Variants in ANKRD36B observed in about 807,000 individuals in gnomAD.
ANKRD36B encodes the protein ankyrin repeat domain 36B, also known as ankyrin repeat domain-containing protein 36B.
A neutral mutation model predicts 135.7 loss-of-function variants in ANKRD36B; 37 were observed. The observed-to-expected ratio is 0.27, with a 90% confidence interval of 0.21 to 0.36. The LOEUF is 0.36. Ranked by LOEUF, ANKRD36B falls within the 10% of genes least tolerant of loss-of-function variation. The pLI, the probability that ANKRD36B is intolerant of heterozygous loss-of-function variation, is 1.00. For missense variants in ANKRD36B, 549 were observed against 1,037.1 expected (o/e 0.53, Z 6.46); for synonymous variants, 179 against 348.1 (o/e 0.51, Z 5.41).
intron 6 of ANKRD36B, among the ~76,000 whole-genome samples, chr2:97,573,781 A>G (rs1307165440): frequency 6.6e-6 from 1 of 152,156 alleles, no homozygotes; most frequent in African/African-American, 2.4e-5. Flanking sequence ...AAAACAAGCA[A>G]TGGGGAAAGG....
At chr2:97,582,118 ATT>A (rs2082673299) in intron 3 of ANKRD36B, among the ~76,000 whole-genome samples, 2 of 151,852 alleles carry the variant, frequency 1.3e-5, no homozygotes, top group Admixed American at 1.3e-4. Flanking sequence ...AATTACTTGC[ATT>A]TTTAGGAGGC....
intron 28 of ANKRD36B, among the ~76,000 whole-genome samples, chr2:97,540,815 C>T (rs1227763929): frequency 1.0e-5 from 1 of 96,206 alleles, no homozygotes; most frequent in African/African-American, 3.1e-5. Flanking sequence ...CTCAAACCCA[C>T]GTGGTGTAAT....
Position 97,560,732 on chromosome 2 carries a change from T to C in ANKRD36B, c.798A>G (p.Thr266=). Residue 266 remains threonine (T), a synonymous_variant, in exon 8 of 44, where the codon ACA becomes ACG. Coordinates refer to ENST00000359901, the MANE Select transcript of ANKRD36B (RefSeq NM_001393939.1). ...TTGAAACAGAATCTTTGTCGTCACT[T>C]GTAGCCTGAATGGGATTTGAAACAA... ...SPQKQRAEKA[T]SDDKDSVSNI... is the part of the protein sequence containing the mutation. The C allele has an allele frequency of 6.2e-7, 1 of 1,601,964 alleles. No homozygotes were observed. The highest frequency in any genetic ancestry group is 1.3e-5 in the African/African-American group (1 of 74,826).
At chr2:97,573,681 C>CG (rs2082040550) in intron 6 of ANKRD36B, among the ~76,000 whole-genome samples, 1 of 152,050 alleles carries the variant, frequency 6.6e-6, no homozygotes, top group South Asian at 2.1e-4. Context: ...GTACTGGTAC[C>CG]GAAATGGAGA....
At chr2:97,549,749 C>A in intron 18 of ANKRD36B, 135 bp from the exon 19 acceptor site, 2 of 1,503,350 alleles carry the variant, frequency 1.3e-6, no homozygotes, top group South Asian at 1.2e-5. Flanking sequence ...TACTTTGTGT[C>A]TGCGGACTAG....
At chr2:97,560,638 G>T in intron 8 of ANKRD36B, 27 bp downstream of exon 8, 1 of 1,599,288 alleles carries the variant, frequency 6.3e-7, no homozygotes, top group Non-Finnish European at 8.5e-7. Context: ...GATTGAACAT[G>T]ACATTAGATG....
At chr2:97,525,943 T>G (rs371722957) in intron 35 of ANKRD36B, among the ~76,000 whole-genome samples, 1 of 98,158 alleles carries the variant, frequency 1.0e-5, no homozygotes, top group South Asian at 2.3e-4. Context: ...AAGGAGGCCT[T>G]CCTGCCTCTG....
At chr2:97,565,631 G>A (rs1411923966) in intron 6 of ANKRD36B, among the ~76,000 whole-genome samples, 2 of 152,118 alleles carry the variant, frequency 1.3e-5, no homozygotes, top group African/African-American at 2.4e-5. Flanking sequence ...TTAGAGAAAT[G>A]CAAATCAAAA....
Position 97,558,965 on chromosome 2 carries a change from C to A in ANKRD36B, c.894+1G>T, listed in dbSNP as rs1466028357. The A allele has an allele frequency of 6.2e-6, 10 of 1,603,634 alleles. No homozygotes were observed. In the East Asian group the frequency reaches 8.9e-5, roughly 14 times the overall value. Reference sequence around the variant, plus strand: ...CAACATATAAATGAGACTTTAATTACCTTCTCAGCTGGTTGTTTCTGAGAA... The same window carrying A: ...CAACATATAAATGAGACTTTAATTAACTTCTCAGCTGGTTGTTTCTGAGAA... On this transcript the variant is annotated splice_donor_variant, in intron 9 of 43. Transcript: ENST00000359901. LOFTEE classifies it high-confidence loss of function.
At chr2:97,556,438 A>AT (rs2080527600) in intron 12 of ANKRD36B, among the ~76,000 whole-genome samples, 2 of 151,940 alleles carry the variant, frequency 1.3e-5, no homozygotes, top group South Asian at 4.1e-4. Flanking sequence ...AATTACAGAA[A>AT]TAACTTCTTC....
chr2:97,535,593 A>AAC (rs2078843649), intron 34 of ANKRD36B, among the ~76,000 whole-genome samples: 4 of 110,242 alleles, frequency 3.6e-5, no homozygotes, highest in Admixed American at 1.7e-4. Context: ...GTTAAAACAA[A>AAC]ATATGTTACA....
chr2:97,582,633 G>A lies in ANKRD36B; in HGVS notation c.451-2065C>T, dbSNP rs2922618. Among the ~76,000 whole-genome samples, 215 of 152,232 alleles carry A rather than the reference G, an allele frequency of 1.4e-3. 1 individual carries two copies. The highest frequency in any genetic ancestry group is 2.2e-3 in the Non-Finnish European group (147 of 68,010). ...TTCCATGTTGAGACAATTTGTAGACGCAAACTAAACACATGTATGGGACAC... is the reference window on the plus strand; with the variant it reads ...TTCCATGTTGAGACAATTTGTAGACACAAACTAAACACATGTATGGGACAC... On this transcript the variant is annotated intron_variant, in intron 3 of 43. Coordinates refer to ENST00000359901, the MANE Select transcript of ANKRD36B (RefSeq NM_001393939.1).
chr2:97,586,647 C>T (rs1476820240), intron 1 of ANKRD36B, among the ~76,000 whole-genome samples: 1 of 152,108 alleles, frequency 6.6e-6, no homozygotes, highest in African/African-American at 2.4e-5. Context: ...TAAATTAAAG[C>T]AGTGCTTTTG....
Position 97,533,394 on chromosome 2 carries a change from A to G in ANKRD36B, c.2192-1010T>C, listed in dbSNP as rs1170650270. ...TGATCCTTATAAAGAATAGCAAATC[A>G]TGATCCTAAGACAGTAAGTGTCAAA... On this transcript the variant is annotated intron_variant, in intron 34 of 43. Coordinates refer to ENST00000359901, the MANE Select transcript of ANKRD36B (RefSeq NM_001393939.1). Among the ~76,000 whole-genome samples, 2 of 97,304 alleles carry G rather than the reference A, an allele frequency of 2.1e-5. 1 individual carries two copies. Among genetic ancestry groups the G allele is most frequent in the African/African-American group, 6.2e-5 (2 of 32,430 alleles). 63.8% of individuals were successfully genotyped at this position (97,304 alleles called of 152,430 possible). A position where few individuals can be genotyped will look rare whatever the true frequency, so the allele number is the denominator to read the frequency against.
intron 6 of ANKRD36B, among the ~76,000 whole-genome samples, chr2:97,561,370 G>C (rs1416651367): frequency 6.6e-6 from 1 of 151,886 alleles, no homozygotes; most frequent in African/African-American, 2.4e-5. Context: ...TTCAGTGGAA[G>C]TGTCCTAACT....
Position 97,589,689 on chromosome 2 carries a change from G to T in ANKRD36B, c.-4C>A, listed in dbSNP as rs1182109060. 67 of 1,614,016 alleles carry T rather than the reference G, an allele frequency of 4.2e-5. No homozygotes were observed. Among genetic ancestry groups the T allele is most frequent in the Non-Finnish European group, 5.3e-5 (63 of 1,180,020 alleles). On this transcript the variant is annotated 5_prime_UTR_variant, in exon 1 of 44. Transcript: ENST00000359901. The stretch of plus-strand genomic sequence containing the variant: ...CATCCGAGCACAAGCGCTCCATGAG[G>T]GTGGGCCACCTCTCCCGCTCGTCGT...
At chr2:97,559,040 A>G in intron 8 of ANKRD36B, 46 bp from the exon 9 acceptor site, 1 of 1,601,522 alleles carries the variant, frequency 6.2e-7, no homozygotes, top group African/African-American at 1.3e-5. Flanking sequence ...TACATATGAT[A>G]AATTTATCCA....
chr2:97,549,729 T>A, intron 18 of ANKRD36B, 115 bp from the exon 19 acceptor site: 1 of 1,549,984 alleles, frequency 6.5e-7, no homozygotes, highest in South Asian at 1.2e-5. Context: ...GCGTAGGCTT[T>A]GATGGCTTCT....
Position 97,523,340 on chromosome 2 carries a change from TC to T in ANKRD36B, c.2392del (p.Glu798LysfsTer2). The T allele has an allele frequency of 2.0e-6, 1 of 503,334 alleles. No homozygotes were observed. The allele number at this position is 503,334 out of a possible 1,614,324, so 31.2% of individuals were successfully genotyped here. A position where few individuals can be genotyped will look rare whatever the true frequency, so the allele number is the denominator to read the frequency against. On this transcript the variant is annotated frameshift_variant, in exon 36 of 44. Coordinates refer to ENST00000359901, the MANE Select transcript of ANKRD36B (RefSeq NM_001393939.1). LOFTEE classifies it high-confidence loss of function. ...KNVILLIDQH[E>X]MKCKDCVHLL... ...ATTGGTCCTACCTTTACACTTCATT[TC>T]ATGTTGATCAATGAGTAATATGACA...
Sources: allele counts gnomAD v4.1 joint callset (sites outside exome capture counted in the v4.1 genomes callset), GRCh38; gene constraint gnomAD v4.1.1; transcripts MANE v1.5; gene names NCBI Gene and HGNC (gene_info 2026-07-23, HGNC 2026-07-21).